The following LAMC2 variants were observed in gnomAD, a reference collection of about 807,000 sequenced individuals.
The protein encoded by LAMC2 is laminin subunit gamma 2, also known as laminin subunit gamma-2.
In LAMC2, 97 loss-of-function variants were observed where a neutral mutation model predicts 140.2. That is an observed-to-expected ratio of 0.69 (90% CI 0.59 to 0.82). The LOEUF (loss-of-function observed/expected upper bound fraction) is 0.82. LAMC2 is among the 40% of genes least tolerant of loss of function. The pLI is 0.00. For missense variants in LAMC2, 1,402 were observed against 1,476.1 expected (o/e 0.95, Z 0.82); for synonymous variants, 513 against 540.2 (o/e 0.95, Z 0.70).
chr1:183,208,220 A>G (rs998683136), intron 2 of LAMC2, 151 bp downstream of exon 2: 2 of 747,462 alleles, frequency 2.7e-6, no homozygotes, highest in Non-Finnish European at 4.6e-6. Flanking sequence ...GAGATGTTCA[A>G]CCTCACCAAC....
rs1477072944 is a variant in LAMC2 at position 183,235,558 on chromosome 1, G to A, written c.2301-17G>A. On this transcript the variant is annotated splice_polypyrimidine_tract_variant and intron_variant, in intron 15 of 22. Transcript: ENST00000264144. ...TTTGCGTGAAAACTCTTATTCTTTTGTTTTTAATCCTTTCAGCCACGTTGA... is the reference window on the plus strand; with the variant it reads ...TTTGCGTGAAAACTCTTATTCTTTTATTTTTAATCCTTTCAGCCACGTTGA... The A allele has an allele frequency of 6.2e-7, 1 of 1,613,990 alleles. No individual in the cohort carries two copies.
chr1:183,202,897 C>T (rs1658762422), intron 1 of LAMC2, among the ~76,000 whole-genome samples: 1 of 152,210 alleles, frequency 6.6e-6, no homozygotes, highest in South Asian at 2.1e-4. Flanking sequence ...AGGTCCAAGA[C>T]AACCATCTAT....
At chr1:183,216,301 G>A (rs777609996) in intron 3 of LAMC2, among the ~76,000 whole-genome samples, 7 of 152,210 alleles carry the variant, frequency 4.6e-5, no homozygotes, top group Middle Eastern at 3.4e-3. Context: ...GTTCTGGTCC[G>A]GCCTTCCCTG....
intron 22 of LAMC2, among the ~76,000 whole-genome samples, chr1:183,241,854 TA>T (rs113711197): frequency 0.076 from 11,252 of 147,754 alleles, 939 homozygotes; most frequent in African/African-American, 0.2. Context: ...TTTAGTGTTC[TA>T]AAAAAAAAAG....
intron 1 of LAMC2, among the ~76,000 whole-genome samples, chr1:183,203,695 G>T (rs975725654): frequency 3.3e-5 from 5 of 152,088 alleles, no homozygotes; most frequent in Non-Finnish European, 7.4e-5. Context: ...ATATAGCTGG[G>T]TGTTTAATCT....
At chr1:183,248,014 C>G (rs889658641), downstream of LAMC2, among the ~76,000 whole-genome samples, 1 of 152,146 alleles carries the variant, frequency 6.6e-6, no homozygotes, top group African/African-American at 2.4e-5. Flanking sequence ...ACTAAGAAAA[C>G]GGAGGCACAA....
intron 2 of LAMC2, among the ~76,000 whole-genome samples, chr1:183,212,335 A>G (rs746923989): frequency 2.0e-5 from 3 of 152,186 alleles, no homozygotes; most frequent in Non-Finnish European, 2.9e-5. Context: ...GACCACTCAC[A>G]GAGCAATGAT....
chr1:183,208,056 T>C lies in LAMC2; in HGVS notation c.255T>C (p.Asn85=), dbSNP rs147886228. ...AAAGGGACCGCTGTTTGCCCTGCAA[T>C]TGTAACTCCAAAGGTAGCTGAAAAG... is the stretch of plus-strand genomic sequence containing the variant. The part of the protein sequence containing the change: ...HRERDRCLPC[N]CNSKGSLSAR... Residue 85 remains asparagine (N), a synonymous_variant, in exon 2 of 23, where the codon AAT becomes AAC. Transcript: ENST00000264144. The C allele has an allele frequency of 1.8e-5, 29 of 1,613,584 alleles. No homozygotes were observed. The Middle Eastern group carries it at 4.9e-4, about 27-fold the overall frequency.
chr1:183,218,659 C>A lies in LAMC2; in HGVS notation c.503+171C>A, dbSNP rs570046013. The stretch of plus-strand genomic sequence containing the variant: ...GCTTTTACAACAACAACAGCAAAAA[C>A]ACACACACACACTGAGCACCCAAAT... On this transcript the variant is annotated intron_variant, in intron 4 of 22. Transcript: ENST00000264144. Among the ~76,000 whole-genome samples, 5 of 151,980 alleles carry A rather than the reference C, an allele frequency of 3.3e-5. No individual in the cohort carries two copies. In the South Asian group the frequency reaches 8.3e-4, roughly 25 times the overall value.
chr1:183,217,811 T>A (rs1014826384), intron 3 of LAMC2, among the ~76,000 whole-genome samples: 3 of 152,162 alleles, frequency 2.0e-5, no homozygotes, highest in Non-Finnish European at 4.4e-5. Flanking sequence ...TCCGGAATGA[T>A]CAAAATGTTC....
chr1:183,245,836 G>A (rs1660229891), downstream of LAMC2, among the ~76,000 whole-genome samples: 1 of 152,180 alleles, frequency 6.6e-6, no homozygotes, highest in Admixed American at 6.5e-5. Flanking sequence ...CACGGTATGT[G>A]TAATCATATA....
chr1:183,245,636 A>C (rs1434267031), downstream of LAMC2, among the ~76,000 whole-genome samples: 1 of 152,270 alleles, frequency 6.6e-6, no homozygotes, highest in Non-Finnish European at 1.5e-5. Context: ...AAAACCCAGC[A>C]AAACAATCAC....
In LAMC2 at chr1:183,227,792, T is replaced by G. The variant is rs535392565; in HGVS notation, c.1468+95T>G. The G allele has an allele frequency of 2.6e-6, 3 of 1,170,516 alleles. No individual in the cohort carries two copies. The African/African-American group carries it at 4.5e-5, about 18-fold the overall frequency. The allele number at this position is 1,170,516 out of a possible 1,614,324, so 72.5% of individuals were successfully genotyped here. ...TCCATTCCGAGGAATTCCTAGGAAA[T>G]TATAATGACTTCGGGTTCACCCAAA... On this transcript the variant is annotated intron_variant, in intron 10 of 22. Coordinates refer to ENST00000264144, the MANE Select transcript of LAMC2 (RefSeq NM_005562.3).
At chr1:183,223,610 C>G (rs538729092) in intron 7 of LAMC2, among the ~76,000 whole-genome samples, 1 of 152,288 alleles carries the variant, frequency 6.6e-6, no homozygotes, top group Non-Finnish European at 1.5e-5. Flanking sequence ...GGAGGCATGA[C>G]TGACCCACAC....
At chr1:183,230,465 G>T (rs538601952) in intron 11 of LAMC2, among the ~76,000 whole-genome samples, 15 of 152,146 alleles carry the variant, frequency 9.9e-5, no homozygotes, top group African/African-American at 3.4e-4. Flanking sequence ...ATGAGTAAAG[G>T]TATTGCTTTC....
In LAMC2 at chr1:183,240,212, G is replaced by A. The variant is rs1318629392; in HGVS notation, c.3228+14G>A. Reference sequence around the variant, plus strand: ...GCAGTACAGATGGTGAGTTCCTGTTGCTTTCCACGGGAGATCCCTTTCAAC... The same window carrying A: ...GCAGTACAGATGGTGAGTTCCTGTTACTTTCCACGGGAGATCCCTTTCAAC... On this transcript the variant is annotated intron_variant, in intron 21 of 22. Transcript: ENST00000264144. The A allele has an allele frequency of 2.5e-6, 4 of 1,614,212 alleles. No homozygotes were observed. In the Admixed American group the frequency reaches 5.0e-5, roughly 20 times the overall value.
intron 1 of LAMC2, among the ~76,000 whole-genome samples, chr1:183,189,237 CCAAGGCT>C (rs1402083034): frequency 6.6e-6 from 1 of 152,086 alleles, no homozygotes; most frequent in East Asian, 1.9e-4. Context: ...CAAGATGGAT[CCAAGGCT>C]TTAGGTTTGT....
chr1:183,240,386 T>C lies in LAMC2; in HGVS notation c.3323T>C (p.Leu1108Pro). Residue 1108 changes from leucine to proline, a missense_variant, in exon 22 of 23, where the codon CTG (leucine) becomes CCG (proline). Transcript: ENST00000264144. ...TLNTLDGLLH[L>P]MDQPLSVDEE... ...AACACATTAGACGGCCTCCTGCATC[T>C]GATGGGTATGTGAACCCACAACCCA... is the stretch of plus-strand genomic sequence containing the variant. 1.2e-6 allele frequency: 2 copies of C among 1,614,244 alleles called. No individual in the cohort carries two copies. Among genetic ancestry groups the C allele is most frequent in the Non-Finnish European group, 1.7e-6 (2 of 1,180,036 alleles).
In LAMC2 at chr1:183,243,095, A is replaced by T. The variant is rs980373756; in HGVS notation, c.3329-52A>T. 18 of 1,609,438 alleles carry T rather than the reference A, an allele frequency of 1.1e-5. 1 individual carries two copies. Among genetic ancestry groups the T allele is most frequent in the Middle Eastern group, 3.7e-4 (2 of 5,430 alleles). On this transcript the variant is annotated intron_variant, in intron 22 of 22. Transcript: ENST00000264144. ...TATAGAAGGGCACGGGTGTTCAAGG[A>T]GATCTAACTACAGCTTTTCTATGTT...
Sources: allele counts gnomAD v4.1 joint callset (sites outside exome capture counted in the v4.1 genomes callset), GRCh38; gene constraint gnomAD v4.1.1; transcripts MANE v1.5; gene names NCBI Gene and HGNC (gene_info 2026-07-23, HGNC 2026-07-21).